CACNA2D3: variants seen among roughly 807,000 people sequenced by gnomAD.
CACNA2D3 encodes the protein voltage-dependent calcium channel subunit alpha-2/delta-3.
Under a neutral mutation model 160.6 loss-of-function variants are expected in CACNA2D3, and 60 were observed. The observed-to-expected ratio is 0.37, with a 90% CI of 0.30 to 0.46. CACNA2D3 has a LOEUF of 0.46. CACNA2D3 is among the 20% of genes least tolerant of loss of function. The pLI is 1.00. For missense variants in CACNA2D3, 1,205 were observed against 1,365.0 expected (o/e 0.88, Z 1.85); for synonymous variants, 558 against 492.9 (o/e 1.13, Z -1.75).
intron 4 of CACNA2D3, among the ~76,000 whole-genome samples, chr3:54,464,583 G>T (rs1700577507): frequency 6.6e-6 from 1 of 152,182 alleles, no homozygotes; most frequent in Non-Finnish European, 1.5e-5. Flanking sequence ...CGAGCCAAGT[G>T]CGGGATATAA....
At chr3:54,448,956 G>T (rs1700262708) in intron 4 of CACNA2D3, among the ~76,000 whole-genome samples, 1 of 152,206 alleles carries the variant, frequency 6.6e-6, no homozygotes, top group African/African-American at 2.4e-5. Context: ...ATCAAAAAAT[G>T]AGTACTCTGG....
chr3:54,875,350 T>G (rs1699635183), intron 18 of CACNA2D3: 1 of 152,154 alleles, frequency 6.6e-6, no homozygotes, highest in Non-Finnish European at 1.5e-5. Flanking sequence ...AATGCTTGCT[T>G]GGGAATGACA....
rs1701915962 is a variant in CACNA2D3 at position 54,538,026 on chromosome 3, C to G, written c.545-24774C>G. On this transcript the variant is annotated intron_variant, in intron 5 of 37. Transcript: ENST00000474759. The stretch of plus-strand genomic sequence containing the variant: ...CTAACATTTTTCACCCAGGAGTGCT[C>G]CACCCTGCACAGTCACGTGAGTGTC... Among the ~76,000 whole-genome samples the G allele has an allele frequency of 2.6e-5, 4 of 152,274 alleles. No individual in the cohort carries two copies. In the South Asian group the frequency reaches 8.3e-4, roughly 32 times the overall value.
At chr3:54,930,444 C>T (rs574115683) in intron 27 of CACNA2D3, among the ~76,000 whole-genome samples, 2 of 152,302 alleles carry the variant, frequency 1.3e-5, no homozygotes, top group East Asian at 3.9e-4. Context: ...ATTTAAATAC[C>T]TCTTTAGGTT....
intron 27 of CACNA2D3, among the ~76,000 whole-genome samples, chr3:54,959,255 T>C (rs1001312072): frequency 1.8e-4 from 27 of 152,296 alleles, no homozygotes; most frequent in African/African-American, 6.0e-4. Context: ...TGGTGTTCAG[T>C]TCACCACAGT....
At chr3:54,459,269 T>C (rs1431766672) in intron 4 of CACNA2D3, among the ~76,000 whole-genome samples, 1 of 150,948 alleles carries the variant, frequency 6.6e-6, no homozygotes, top group Non-Finnish European at 1.5e-5. Flanking sequence ...TGATTTATAG[T>C]CCTTTGGGTA....
At chr3:54,401,681 A>G (rs6767769) in intron 4 of CACNA2D3, among the ~76,000 whole-genome samples, 6 of 152,318 alleles carry the variant, frequency 3.9e-5, no homozygotes, top group African/African-American at 1.4e-4. Flanking sequence ...AGGAGAAACA[A>G]AAGTCTTTCC....
chr3:54,403,487 G>A (rs1349430516), intron 4 of CACNA2D3, among the ~76,000 whole-genome samples: 1 of 151,890 alleles, frequency 6.6e-6, no homozygotes, highest in Non-Finnish European at 1.5e-5. Flanking sequence ...GGTTCTGGAA[G>A]GGAAGTTCAT....
chr3:54,779,221 C>T (rs1702486798), intron 13 of CACNA2D3, among the ~76,000 whole-genome samples: 1 of 152,102 alleles, frequency 6.6e-6, no homozygotes, highest in Non-Finnish European at 1.5e-5. Context: ...CCTCAGCCTC[C>T]CAAGTAGTTG....
At chr3:54,275,051 C>T (rs1231166964) in intron 2 of CACNA2D3, among the ~76,000 whole-genome samples, 2 of 152,248 alleles carry the variant, frequency 1.3e-5, no homozygotes, top group East Asian at 3.9e-4. Flanking sequence ...AAGAAGTTGC[C>T]TGCCGCAGAC....
chr3:54,473,761 C>T (rs11130422), intron 4 of CACNA2D3, among the ~76,000 whole-genome samples: 13,110 of 152,052 alleles, frequency 0.086, 775 homozygotes, highest in Admixed American at 0.14. Context: ...GACATTTATG[C>T]GGCCAACAAA....
intron 2 of CACNA2D3, among the ~76,000 whole-genome samples, chr3:54,141,496 A>G (rs772244171): frequency 1.2e-4 from 19 of 152,196 alleles, no homozygotes; most frequent in Non-Finnish European, 2.5e-4. Flanking sequence ...TTTTGTGGGC[A>G]AGAATGCTGG....
At chr3:54,635,107 A>G (rs1699339983) in intron 10 of CACNA2D3, among the ~76,000 whole-genome samples, 1 of 151,820 alleles carries the variant, frequency 6.6e-6, no homozygotes, top group Non-Finnish European at 1.5e-5. Context: ...CTGAAAGGAG[A>G]TCTTATGGTA....
intron 2 of CACNA2D3, among the ~76,000 whole-genome samples, chr3:54,303,445 G>T (rs1231612447): frequency 6.6e-6 from 1 of 152,196 alleles, no homozygotes; most frequent in Non-Finnish European, 1.5e-5. Context: ...TTTCTTGTTT[G>T]ACTGGACGAG....
intron 2 of CACNA2D3, among the ~76,000 whole-genome samples, chr3:54,197,212 G>A (rs941188001): frequency 1.3e-5 from 2 of 152,142 alleles, no homozygotes; most frequent in African/African-American, 4.8e-5. Context: ...AGTCTCAGTT[G>A]TCGCTGTCTC....
chr3:54,448,753 T>C (rs1433050791), intron 4 of CACNA2D3, among the ~76,000 whole-genome samples: 2 of 152,254 alleles, frequency 1.3e-5, no homozygotes, highest in African/African-American at 4.8e-5. Flanking sequence ...GCTGTCTCTA[T>C]TGTCCAGAAC....
At chr3:54,577,147 CA>C (rs1384431086) in intron 8 of CACNA2D3, among the ~76,000 whole-genome samples, 1 of 152,216 alleles carries the variant, frequency 6.6e-6, no homozygotes, top group Admixed American at 6.5e-5. Flanking sequence ...GGTTCATTGT[CA>C]CTCTACAATG....
intron 3 of CACNA2D3, among the ~76,000 whole-genome samples, chr3:54,323,745 C>T (rs1256329273): frequency 2.6e-5 from 4 of 152,148 alleles, no homozygotes; most frequent in East Asian, 1.9e-4. Flanking sequence ...GGATTACAGG[C>T]GTGAGCCACC....
chr3:54,975,595 T>C (rs1341475746), intron 29 of CACNA2D3, among the ~76,000 whole-genome samples: 1 of 151,858 alleles, frequency 6.6e-6, no homozygotes, highest in Non-Finnish European at 1.5e-5. Flanking sequence ...ATGTTGTCCT[T>C]CAGGATCCCT....
Sources: allele counts gnomAD v4.1 joint callset (sites outside exome capture counted in the v4.1 genomes callset), GRCh38; gene constraint gnomAD v4.1.1; transcripts MANE v1.5; gene names NCBI Gene and HGNC (gene_info 2026-07-23, HGNC 2026-07-21).